SORCS3: variants seen among roughly 807,000 people sequenced by gnomAD.
SORCS3 encodes sortilin related VPS10 domain containing receptor 3, also known as VPS10 domain-containing receptor SorCS3.
Under a neutral mutation model 146.3 loss-of-function variants are expected in SORCS3, and 57 were observed. The observed-to-expected ratio is 0.39, with a 90% CI of 0.31 to 0.49. The LOEUF (loss-of-function observed/expected upper bound fraction) is 0.49, where lower values mean the gene tolerates loss of function less well. Among genes scored for constraint, SORCS3 ranks in the 20% least tolerant of loss-of-function variants. SORCS3 has a pLI of 0.92. For missense variants in SORCS3, 1,341 were observed against 1,575.5 expected (o/e 0.85, Z 2.52); for synonymous variants, 653 against 618.5 (o/e 1.06, Z -0.83).
intron 1 of SORCS3, among the ~76,000 whole-genome samples, chr10:104,726,808 C>G (rs550285293): frequency 6.6e-6 from 1 of 152,104 alleles, no homozygotes; most frequent in Non-Finnish European, 1.5e-5. Flanking sequence ...TTCCTCTGCC[C>G]TTTTTTTCCA....
At chr10:105,008,155 T>TG (rs2055109045) in intron 4 of SORCS3, among the ~76,000 whole-genome samples, 1 of 152,184 alleles carries the variant, frequency 6.6e-6, no homozygotes, top group Admixed American at 6.5e-5. Flanking sequence ...CCTTTACAGT[T>TG]GCTGCAGACA....
chr10:104,741,422 G>A (rs190159310), intron 1 of SORCS3, among the ~76,000 whole-genome samples: 33 of 152,100 alleles, frequency 2.2e-4, no homozygotes, highest in African/African-American at 8.0e-4. Flanking sequence ...GAACTGATGT[G>A]CATTTCTTGG....
chr10:104,726,695 A>G (rs894773213), intron 1 of SORCS3, among the ~76,000 whole-genome samples: 1 of 151,966 alleles, frequency 6.6e-6, no homozygotes, highest in Non-Finnish European at 1.5e-5. Context: ...CTCTGTTGTC[A>G]CTGGGACTTC....
chr10:105,083,582 T>A (rs1481182306), intron 5 of SORCS3, among the ~76,000 whole-genome samples: 2 of 152,074 alleles, frequency 1.3e-5, no homozygotes, highest in African/African-American at 2.4e-5. Flanking sequence ...ATCACAGACC[T>A]CAAAAAAGTG....
At chr10:105,129,994 A>G (rs1464158744) in intron 7 of SORCS3, among the ~76,000 whole-genome samples, 1 of 152,146 alleles carries the variant, frequency 6.6e-6, no homozygotes, top group Non-Finnish European at 1.5e-5. Context: ...GTCAGTCTCC[A>G]GAAGACCTCT....
intron 1 of SORCS3, among the ~76,000 whole-genome samples, chr10:104,725,044 G>A (rs1407108701): frequency 1.3e-5 from 2 of 152,222 alleles, no homozygotes; most frequent in African/African-American, 4.8e-5. Flanking sequence ...TGGAGGAGGA[G>A]AGGTGCTCTG....
intron 5 of SORCS3, among the ~76,000 whole-genome samples, chr10:105,071,199 A>G (rs2055554257): frequency 6.6e-6 from 1 of 151,870 alleles, no homozygotes; most frequent in Non-Finnish European, 1.5e-5. Flanking sequence ...AGGGAATCAA[A>G]TGGAGGGTTA....
At chr10:104,990,633 G>A (rs532835337) in intron 4 of SORCS3, among the ~76,000 whole-genome samples, 1 of 152,076 alleles carries the variant, frequency 6.6e-6, no homozygotes, top group Admixed American at 6.5e-5. Context: ...TTACTCTAGG[G>A]AAAAAGGGAC....
chr10:105,143,714 C>A (rs1362433231), intron 8 of SORCS3, among the ~76,000 whole-genome samples: 5 of 152,126 alleles, frequency 3.3e-5, no homozygotes, highest in African/African-American at 7.2e-5. Context: ...ACATAAGAGA[C>A]TATTTAATTA....
At chr10:104,774,593 T>C (rs970052) in intron 1 of SORCS3, among the ~76,000 whole-genome samples, 120,317 of 151,754 alleles carry the variant, frequency 0.79, 47,991 homozygotes, top group East Asian at 0.94. Flanking sequence ...GACTCCCAAT[T>C]ACCTGACAAG....
At chr10:105,062,310 A>G (rs2055493283) in intron 5 of SORCS3, among the ~76,000 whole-genome samples, 2 of 152,168 alleles carry the variant, frequency 1.3e-5, no homozygotes, top group African/African-American at 4.8e-5. Context: ...TAAACTGCTA[A>G]TTAGCTGTGT....
intron 20 of SORCS3, among the ~76,000 whole-genome samples, chr10:105,242,469 T>TATAC (rs2056833086): frequency 2.6e-5 from 2 of 75,682 alleles, no homozygotes; most frequent in Non-Finnish European, 4.5e-5. Flanking sequence ...TTTATATATT[T>TATAC]ATATATTTAT....
chr10:104,918,961 T>A (rs1409198018), intron 3 of SORCS3, among the ~76,000 whole-genome samples: 2 of 152,228 alleles, frequency 1.3e-5, no homozygotes, highest in African/African-American at 2.4e-5. Context: ...ATCATAATGA[T>A]GTTTCTTTTT....
intron 1 of SORCS3, among the ~76,000 whole-genome samples, chr10:104,703,268 G>A (rs1031460408): frequency 1.3e-5 from 2 of 152,122 alleles, no homozygotes; most frequent in African/African-American, 4.8e-5. Flanking sequence ...TGGTATTTCT[G>A]GTTCTAGATC....
At chr10:104,943,921 T>C (rs1016531490) in intron 3 of SORCS3, among the ~76,000 whole-genome samples, 1 of 152,046 alleles carries the variant, frequency 6.6e-6, no homozygotes, top group Non-Finnish European at 1.5e-5. Context: ...TTGCTTGAGT[T>C]TTTTGCTTTT....
chr10:105,098,544 A>C lies in SORCS3; in HGVS notation c.1094-6853A>C, dbSNP rs148957250. Reference sequence around the variant, plus strand: ...TTAGAATCACAGGTACTGGTGTAAAATCACCTGGGTTCAAATTCTAGCTCC... The same window carrying C: ...TTAGAATCACAGGTACTGGTGTAAACTCACCTGGGTTCAAATTCTAGCTCC... On this transcript the variant is annotated intron_variant, in intron 6 of 26. Coordinates refer to ENST00000369701, the MANE Select transcript of SORCS3 (RefSeq NM_014978.3). Among the ~76,000 whole-genome samples the C allele has an allele frequency of 3.1e-4, 47 of 152,288 alleles. No homozygotes were observed. The East Asian group carries it at 7.5e-3, about 24-fold the overall frequency.
chr10:105,142,696 A>G (rs2056103760), intron 8 of SORCS3, among the ~76,000 whole-genome samples: 1 of 151,972 alleles, frequency 6.6e-6, no homozygotes, highest in African/African-American at 2.4e-5. Context: ...ACACCCAGTT[A>G]TTTCTAGTTT....
At chr10:104,791,931 G>A (rs1256311631) in intron 1 of SORCS3, among the ~76,000 whole-genome samples, 1 of 152,186 alleles carries the variant, frequency 6.6e-6, no homozygotes, top group Non-Finnish European at 1.5e-5. Context: ...GCAACTCTGG[G>A]AAATTGGGAG....
At chr10:104,932,090 T>C (rs531433399) in intron 3 of SORCS3, among the ~76,000 whole-genome samples, 1 of 152,306 alleles carries the variant, frequency 6.6e-6, no homozygotes, top group South Asian at 2.1e-4. Context: ...CGCCCTGCCT[T>C]GATCCCAAAT....
Sources: allele counts gnomAD v4.1 joint callset (sites outside exome capture counted in the v4.1 genomes callset), GRCh38; gene constraint gnomAD v4.1.1; transcripts MANE v1.5; gene names NCBI Gene and HGNC (gene_info 2026-07-23, HGNC 2026-07-21).